IQSEC1: variants seen among roughly 807,000 people sequenced by gnomAD.
IQSEC1 encodes the protein IQ motif and SEC7 domain-containing protein 1.
In IQSEC1, 31 loss-of-function variants were observed where a neutral mutation model predicts 91.0. The ratio of observed to expected loss-of-function variants is 0.34; its 90% CI spans 0.26 to 0.46. The LOEUF (loss-of-function observed/expected upper bound fraction) is 0.46. IQSEC1 is among the 20% of genes least tolerant of loss of function. The pLI, the probability that IQSEC1 is intolerant of heterozygous loss-of-function variation, is 1.00. For missense variants in IQSEC1, 1,388 were observed against 1,575.6 expected (o/e 0.88, Z 2.02); for synonymous variants, 699 against 662.6 (o/e 1.05, Z -0.84).
intron 1 of IQSEC1, among the ~76,000 whole-genome samples, chr3:13,040,509 C>A (rs1350797871): frequency 6.6e-6 from 1 of 152,218 alleles, no homozygotes; most frequent in Admixed American, 6.5e-5. Flanking sequence ...ACGGGTTCCT[C>A]CTAGAGCCTG....
At chr3:13,088,758 C>T (rs1705785450) in intron 2 of IQSEC1, among the ~76,000 whole-genome samples, 2 of 152,250 alleles carry the variant, frequency 1.3e-5, no homozygotes, top group African/African-American at 4.8e-5. Flanking sequence ...TGGCCTGTTG[C>T]AGTTTCTCCA....
At chr3:13,242,100 T>C (rs1695030830) in intron 1 of IQSEC1, among the ~76,000 whole-genome samples, 1 of 152,142 alleles carries the variant, frequency 6.6e-6, no homozygotes. Flanking sequence ...AGCTCCTAGG[T>C]GACAGCAGAG....
chr3:13,191,477 A>ATTTTT lies in IQSEC1; in HGVS notation c.273-27349_273-27345dup, dbSNP rs57912681. 6.9e-4 allele frequency among the ~76,000 whole-genome samples: 64 copies of ATTTTT among 92,098 alleles called. 1 individual carries two copies. Among genetic ancestry groups the ATTTTT allele is most frequent in the African/African-American group, 1.5e-3 (35 of 23,136 alleles). The allele number at this position is 92,098 out of a possible 152,430, so 60.4% of individuals were successfully genotyped here. ...AGCTCCCAGTCCCCACACCCAGCTA[A>ATTTTT]TTTTTTTTTTTTTTTTTTTTTTTTT... On this transcript the variant is annotated intron_variant, in intron 1 of 15. Transcript: ENST00000648114.
chr3:13,171,949 C>T lies in IQSEC1; in HGVS notation c.273-7816G>A, dbSNP rs141727271. Among the ~76,000 whole-genome samples, 475 of 152,172 alleles carry T rather than the reference C, an allele frequency of 3.1e-3. 3 individuals carry two copies. Among genetic ancestry groups the T allele is most frequent in the East Asian group, 0.015 (76 of 5,168 alleles). ...TCTGGGAGGCGAGCTGAGGGGCAACCGGCACCTGGACAAGAGCACAAAACA... is the reference window on the plus strand; with the variant it reads ...TCTGGGAGGCGAGCTGAGGGGCAACTGGCACCTGGACAAGAGCACAAAACA... On this transcript the variant is annotated intron_variant, in intron 1 of 15. Coordinates refer to the IQSEC1 transcript ENST00000648114.
chr3:13,148,154 TGG>T (rs1353314350), intron 2 of IQSEC1, among the ~76,000 whole-genome samples: 1 of 152,186 alleles, frequency 6.6e-6, no homozygotes, highest in Non-Finnish European at 1.5e-5. Context: ...ATAATGACCT[TGG>T]GTAGGCCACT....
intron 1 of IQSEC1, among the ~76,000 whole-genome samples, chr3:13,069,170 T>C (rs1317833947): frequency 6.6e-6 from 1 of 152,158 alleles, no homozygotes; most frequent in Non-Finnish European, 1.5e-5. Flanking sequence ...CCATTTTTAA[T>C]AGTGATCACT....
intron 1 of IQSEC1, among the ~76,000 whole-genome samples, chr3:13,209,583 G>A (rs1694407311): frequency 6.6e-6 from 1 of 152,084 alleles, no homozygotes. Flanking sequence ...GCCCTCCCAT[G>A]TGCCTGGGGC....
intron 1 of IQSEC1, among the ~76,000 whole-genome samples, chr3:12,968,366 CT>C (rs963112945): frequency 6.6e-6 from 1 of 152,136 alleles, no homozygotes; most frequent in Non-Finnish European, 1.5e-5. Context: ...GCCCCCTACC[CT>C]TTCTCCACCC....
At chr3:13,109,819 G>GTT in intron 2 of IQSEC1, among the ~76,000 whole-genome samples, 1 of 150,084 alleles carries the variant, frequency 6.7e-6, no homozygotes, top group Admixed American at 6.6e-5. Context: ...AAATTACCCA[G>GTT]TCTCAGGAAT....
rs1696895558 is a variant in IQSEC1, at chr3:12,924,117, G to C, written c.1730+464C>G. On this transcript the variant is annotated intron_variant, in intron 4 of 13. Transcript: ENST00000613206. The surrounding 1 kb of genome is among the most constrained non-coding windows in gnomAD (Gnocchi z 6.3). ...ATCTGACTCCCCACCACTCTCCCCAGGGGTGAGTCAGGAGCAAACAGGGCA... is the reference window on the plus strand; with the variant it reads ...ATCTGACTCCCCACCACTCTCCCCACGGGTGAGTCAGGAGCAAACAGGGCA... Among the ~76,000 whole-genome samples, 2 of 152,196 alleles carry C rather than the reference G, an allele frequency of 1.3e-5. No individual in the cohort carries two copies. Among genetic ancestry groups the C allele is most frequent in the African/African-American group, 4.8e-5 (2 of 41,452 alleles).
At position 12,922,304 on chromosome 3, in the gene IQSEC1, C is replaced by A. The variant is rs1696706117; in HGVS notation, c.1731-62G>T. 2 of 1,459,522 alleles carry A rather than the reference C, an allele frequency of 1.4e-6. No individual in the cohort carries two copies. The highest frequency in any genetic ancestry group is 2.2e-5 in the Admixed American group (1 of 46,278). 90.4% of individuals were successfully genotyped at this position (1,459,522 alleles called of 1,614,324 possible). On this transcript the variant is annotated intron_variant, in intron 4 of 13. Transcript: ENST00000613206. The surrounding 1 kb of genome is among the most constrained non-coding windows in gnomAD (Gnocchi z 5.1). ...TTGCAGGTGCGACACGCCCAGCCCA[C>A]CCCCAGGTGGTGGTGCCTGAAGCCC...
intron 1 of IQSEC1, among the ~76,000 whole-genome samples, chr3:12,942,422 G>T (rs183808519): frequency 6.6e-6 from 1 of 151,946 alleles, no homozygotes; most frequent in African/African-American, 2.4e-5. Context: ...CTAACACGGC[G>T]AAACCCTGTC....
At position 12,935,711 on chromosome 3, in the gene IQSEC1, C is replaced by T; in HGVS notation, c.1305G>A (p.Leu435=). ...GCCGGTTGGCTGAGCCATTGATGGC[C>T]AAGTGGCTGTCCAGGGGCCTGGGGG... is the stretch of plus-strand genomic sequence containing the variant. ...PRPPRPLDSH[L]AINGSANRQS... The change falls in exon 3 of 14, where the codon TTG becomes TTA. Residue 435 remains leucine (L), a synonymous_variant. Coordinates refer to ENST00000613206, the MANE Select transcript of IQSEC1 (RefSeq NM_001134382.3). This position sits in a 1 kb window ranked among gnomAD's most constrained non-coding sequence, Gnocchi z 8.0. 1 of 1,613,276 alleles carries T rather than the reference C, an allele frequency of 6.2e-7. No homozygotes were observed. The highest frequency in any genetic ancestry group is 8.5e-7 in the Non-Finnish European group (1 of 1,180,004).
intron 2 of IQSEC1, among the ~76,000 whole-genome samples, chr3:13,085,280 G>A (rs763330556): frequency 6.6e-6 from 1 of 152,120 alleles, no homozygotes; most frequent in African/African-American, 2.4e-5. Context: ...AGCAGCAAGG[G>A]TGATGTTAGG....
Position 12,909,841 on chromosome 3 carries a change from G to A in IQSEC1, c.2417-407C>T, listed in dbSNP as rs111319164. On this transcript the variant is annotated intron_variant, in intron 10 of 13. Transcript: ENST00000613206. This position sits in a 1 kb window ranked among gnomAD's most constrained non-coding sequence, Gnocchi z 4.9. ...TGCACTATGGGCACTCCACAGCCAA[G>A]GAACCCTGTGCCCAGACCTGCCTGG... Among the ~76,000 whole-genome samples, 761 of 152,330 alleles carry A rather than the reference G, an allele frequency of 5.0e-3. 6 individuals are homozygous for A. The highest frequency in any genetic ancestry group is 0.017 in the African/African-American group (723 of 41,576).
chr3:13,264,135 T>C (rs1233938772), intron 1 of IQSEC1, among the ~76,000 whole-genome samples: 5 of 152,240 alleles, frequency 3.3e-5, no homozygotes. Context: ...CCAGCCAGCC[T>C]GGCTGGAAAG....
At chr3:12,964,021 AC>A (rs1700404477) in intron 1 of IQSEC1, among the ~76,000 whole-genome samples, 1 of 152,260 alleles carries the variant, frequency 6.6e-6, no homozygotes, top group Admixed American at 6.5e-5. Context: ...GCATCGGGGT[AC>A]TAGCCACAGG....
intron 8 of IQSEC1, among the ~76,000 whole-genome samples, chr3:12,914,527 C>A (rs774317330): frequency 2.0e-5 from 3 of 152,064 alleles, no homozygotes; most frequent in African/African-American, 4.8e-5. Context: ...TGGGAGGGTT[C>A]GGGGAGCACT....
At chr3:13,255,186 C>A (rs1024230045) in intron 1 of IQSEC1, among the ~76,000 whole-genome samples, 25 of 152,336 alleles carry the variant, frequency 1.6e-4, no homozygotes, top group Middle Eastern at 3.4e-3. Flanking sequence ...TGGCTGACCA[C>A]CCCCCAGCAC....
Sources: gnomAD v4.1 joint callset for allele counts (sites outside exome capture counted in the v4.1 genomes callset) on GRCh38, gnomAD v4.1.1 for gene constraint, Gnocchi (gnomAD v3.1) non-coding constraint, MANE v1.5 for transcripts, NCBI Gene and HGNC (gene_info 2026-07-23, HGNC 2026-07-21) for gene names.